Variants in KATNAL1 observed in about 807,000 individuals in gnomAD.
KATNAL1 encodes katanin catalytic subunit A1 like 1.
KATNAL1 carries 32 observed loss-of-function variants against 55.2 expected under a neutral mutation model. The observed-to-expected ratio is 0.58, with a 90% CI of 0.44 to 0.78. The LOEUF is 0.78. Among genes scored for constraint, KATNAL1 ranks in the 30% least tolerant of loss-of-function variants. The pLI is 0.00. For synonymous variants in KATNAL1, 193 were observed against 193.6 expected, an observed-to-expected ratio of 1.00 and a Z score of 0.02; for missense variants, 466 against 600.9, an observed-to-expected ratio of 0.78 and a Z score of 2.35.
intron 2 of KATNAL1, 56 bp downstream of exon 2, chr13:30,283,560 C>G: frequency 6.6e-7 from 1 of 1,515,014 alleles, no homozygotes; most frequent in Non-Finnish European, 9.0e-7. Flanking sequence ...TCTAATCTCT[C>G]AAGTATAATA....
At chr13:30,254,731 T>G (rs1270213329) in intron 4 of KATNAL1, among the ~76,000 whole-genome samples, 1 of 152,210 alleles carries the variant, frequency 6.6e-6, no homozygotes, top group Non-Finnish European at 1.5e-5. Flanking sequence ...TACATTATCA[T>G]TCATTTATGA....
intron 1 of KATNAL1, among the ~76,000 whole-genome samples, chr13:30,288,476 T>C (rs1011608046): frequency 6.6e-6 from 1 of 152,234 alleles, no homozygotes; most frequent in African/African-American, 2.4e-5. Flanking sequence ...ACTTCTTTGC[T>C]TTAACTTATA....
At chr13:30,274,895 GCGCGCGCGCGCGCACACA>G (rs1566122370) in intron 3 of KATNAL1, among the ~76,000 whole-genome samples, 20 of 98,138 alleles carry the variant, frequency 2.0e-4, no homozygotes, top group South Asian at 3.5e-4. Flanking sequence ...ACACATACGC[GCGCGCGCGCGCGCACACA>G]CACACACACA....
intron 1 of KATNAL1, among the ~76,000 whole-genome samples, chr13:30,298,332 T>G (rs1371355486): frequency 6.6e-6 from 1 of 152,252 alleles, no homozygotes. Context: ...TGCCCTTATA[T>G]GTATCAGTAA....
chr13:30,213,090 T>C (rs184838008), intron 9 of KATNAL1, among the ~76,000 whole-genome samples: 3 of 152,358 alleles, frequency 2.0e-5, no homozygotes, highest in African/African-American at 7.2e-5. Flanking sequence ...CTTGTACTTC[T>C]AGCTTCCGGT....
In KATNAL1 at chr13:30,251,601, T is replaced by G. The variant is rs150334582; in HGVS notation, c.492+3846A>C. On this transcript the variant is annotated intron_variant, in intron 4 of 10. Coordinates refer to ENST00000380615, the MANE Select transcript of KATNAL1 (RefSeq NM_032116.5). ...TCTGCTAGTGGCTTGATTTTAGACT[T>G]CCCAGCCTCCAAAACTGTGAGAAAT... Among the ~76,000 whole-genome samples, 472 of 152,290 alleles carry G rather than the reference T, an allele frequency of 3.1e-3. 2 individuals are homozygous for G. The highest frequency in any genetic ancestry group is 0.011 in the African/African-American group (450 of 41,562).
rs532421757 is a variant in KATNAL1 at position 30,296,639 on chromosome 13, G to A, written c.-15+10692C>T. On this transcript the variant is annotated intron_variant, in intron 1 of 10. Coordinates refer to ENST00000380615, the MANE Select transcript of KATNAL1 (RefSeq NM_032116.5). ...TCCAGACCATCCAGTACACGGACGA[G>A]CACAGGGAAGTTTGTCCTGCTGGCT... 1.1e-4 allele frequency: 77 copies of A among 690,316 alleles called. No homozygotes were observed. The Middle Eastern group carries it at 5.3e-3, about 48-fold the overall frequency. 42.8% of individuals were successfully genotyped at this position (690,316 alleles called of 1,614,324 possible).
At chr13:30,268,486 CTG>C (rs1402659251) in intron 3 of KATNAL1, among the ~76,000 whole-genome samples, 1 of 152,140 alleles carries the variant, frequency 6.6e-6, no homozygotes, top group Non-Finnish European at 1.5e-5. Flanking sequence ...CACAGTGACA[CTG>C]TTTAACACAA....
intron 6 of KATNAL1, among the ~76,000 whole-genome samples, chr13:30,234,285 C>T (rs1462502812): frequency 2.0e-5 from 3 of 152,162 alleles, no homozygotes; most frequent in East Asian, 3.9e-4. Flanking sequence ...CTACTATTCA[C>T]CTCTCCTTCC....
intron 3 of KATNAL1, among the ~76,000 whole-genome samples, chr13:30,269,802 C>T (rs1309084917): frequency 2.0e-5 from 3 of 147,056 alleles, no homozygotes; most frequent in African/African-American, 7.4e-5. Flanking sequence ...GCCCGGCAGC[C>T]GCCCCATCTG....
chr13:30,306,381 CTG>C (rs749692716), intron 1 of KATNAL1, among the ~76,000 whole-genome samples: 5 of 151,698 alleles, frequency 3.3e-5, no homozygotes, highest in African/African-American at 4.9e-5. Flanking sequence ...CTAAAAAAGT[CTG>C]TTTTTAAAAG....
chr13:30,229,297 A>G (rs1353760842), intron 8 of KATNAL1, among the ~76,000 whole-genome samples: 1 of 150,848 alleles, frequency 6.6e-6, no homozygotes, highest in Non-Finnish European at 1.5e-5. Context: ...TGTGTTTTCC[A>G]CTGCACCCAG....
chr13:30,245,289 T>G (rs1286882247), intron 4 of KATNAL1, among the ~76,000 whole-genome samples: 2 of 152,014 alleles, frequency 1.3e-5, no homozygotes, highest in African/African-American at 4.8e-5. Context: ...ATAAACAGAA[T>G]CAATGACAAA....
chr13:30,293,162 T>C (rs1244889398), intron 1 of KATNAL1, among the ~76,000 whole-genome samples: 3 of 152,062 alleles, frequency 2.0e-5, no homozygotes, highest in Non-Finnish European at 2.9e-5. Flanking sequence ...TGAAATGCCT[T>C]TTATCCAGGA....
intron 4 of KATNAL1, among the ~76,000 whole-genome samples, chr13:30,249,045 C>T (rs372116935): frequency 1.2e-3 from 171 of 142,498 alleles, no homozygotes; most frequent in Admixed American, 2.6e-3. Context: ...GGCAACAGAG[C>T]GAGACTCCGT....
chr13:30,231,845 C>T (rs1876132999), intron 6 of KATNAL1, among the ~76,000 whole-genome samples: 1 of 152,146 alleles, frequency 6.6e-6, no homozygotes, highest in Non-Finnish European at 1.5e-5. Context: ...CATTTTCTAT[C>T]ACATGTGGCA....
chr13:30,219,445 G>A (rs1874630646), intron 9 of KATNAL1, among the ~76,000 whole-genome samples: 1 of 152,176 alleles, frequency 6.6e-6, no homozygotes, highest in South Asian at 2.1e-4. Flanking sequence ...ATTCCTCCCT[G>A]TCCGTTCCAA....
chr13:30,273,960 C>A (rs950626475), intron 3 of KATNAL1, among the ~76,000 whole-genome samples: 4 of 152,290 alleles, frequency 2.6e-5, no homozygotes, highest in Non-Finnish European at 4.4e-5. Flanking sequence ...GGCTCTCACA[C>A]CCATCTACAA....
At position 30,274,942 on chromosome 13, in the gene KATNAL1, CACACACACACAG is replaced by C. The variant is rs1259389767; in HGVS notation, c.323+5109_323+5120del. 1.4e-3 allele frequency among the ~76,000 whole-genome samples: 215 copies of C among 151,054 alleles called. 1 individual carries two copies. Among genetic ancestry groups the C allele is most frequent in the African/African-American group, 4.7e-3 (191 of 41,006 alleles). ...ACACACACACACACACACACACACA[CACACACACACAG>C]GAATATTATTCAACCTTAAGAGAAG... On this transcript the variant is annotated intron_variant, in intron 3 of 10. Coordinates refer to ENST00000380615, the MANE Select transcript of KATNAL1 (RefSeq NM_032116.5).
Sources: allele counts gnomAD v4.1 joint callset (sites outside exome capture counted in the v4.1 genomes callset), GRCh38; gene constraint gnomAD v4.1.1; transcripts MANE v1.5; gene names NCBI Gene and HGNC (gene_info 2026-07-23, HGNC 2026-07-21).